The following PXDN variants were observed in gnomAD, a reference collection of about 807,000 sequenced individuals.
The protein encoded by PXDN is peroxidasin.
In PXDN, 77 loss-of-function variants were observed where a neutral mutation model predicts 140.3. The observed-to-expected ratio is 0.55, with a 90% CI of 0.46 to 0.66. The LOEUF is 0.66. Ranked by LOEUF, PXDN falls within the 30% of genes least tolerant of loss-of-function variation. The pLI, the probability that PXDN is intolerant of heterozygous loss-of-function variation, is 0.00. For missense variants in PXDN, 1,838 were observed against 2,039.5 expected, an observed-to-expected ratio of 0.90 and a Z score of 1.90; for synonymous variants, 911 against 857.4, an observed-to-expected ratio of 1.06 and a Z score of -1.09.
chr2:1,682,847 C>T (rs537424574), intron 6 of PXDN, among the ~76,000 whole-genome samples: 3 of 151,516 alleles, frequency 2.0e-5, no homozygotes, highest in Admixed American at 1.3e-4. Flanking sequence ...GGCTGAGGCA[C>T]GAGAATTGCT....
In PXDN at chr2:1,639,751, G is replaced by C. The variant is rs1245083019; in HGVS notation, c.3953-329C>G. ...CCACAGATGGAGGCTCAGGCACTCT[G>C]CCTCGGAGATCAGAGTCTGCTGTTT... On this transcript the variant is annotated intron_variant, in intron 19 of 22. Transcript: ENST00000252804. The surrounding 1 kb of genome is among the most constrained non-coding windows in gnomAD (Gnocchi z 5.0). 6.6e-6 allele frequency among the ~76,000 whole-genome samples: 1 copy of C among 152,208 alleles called. No homozygotes were observed. The highest frequency in any genetic ancestry group is 2.4e-5 in the African/African-American group (1 of 41,450).
rs557527955 is a variant in PXDN, at chr2:1,687,503, G to A, written c.416+129C>T. ...TCCCTGTTTTTCCGTCATCATGCAC[G>A]TACTCCCCGCACCTCAGGTAGCATA... On this transcript the variant is annotated intron_variant, in intron 4 of 22. Coordinates refer to ENST00000252804, the MANE Select transcript of PXDN (RefSeq NM_012293.3). The surrounding 1 kb of genome is among the most constrained non-coding windows in gnomAD (Gnocchi z 4.0). 50 of 599,436 alleles carry A rather than the reference G, an allele frequency of 8.3e-5. No homozygotes were observed. Among genetic ancestry groups the A allele is most frequent in the Admixed American group, 6.9e-4 (20 of 28,824 alleles). 37.1% of individuals were successfully genotyped at this position (599,436 alleles called of 1,614,324 possible). A position where few individuals can be genotyped will look rare whatever the true frequency, so the allele number is the denominator to read the frequency against.
chr2:1,660,028 G>A lies in PXDN; in HGVS notation c.1837+853C>T, dbSNP rs1014196345. Reference sequence around the variant, plus strand: ...TGATGGCCAGAGGGTCCTTTACCCCGTGAAGGGGGGTTTGTGCGCGTTCTC... The same window carrying A: ...TGATGGCCAGAGGGTCCTTTACCCCATGAAGGGGGGTTTGTGCGCGTTCTC... On this transcript the variant is annotated intron_variant, in intron 14 of 22. Transcript: ENST00000252804. This position sits in a 1 kb window ranked among gnomAD's most constrained non-coding sequence, Gnocchi z 4.6. Among the ~76,000 whole-genome samples, 4 of 152,154 alleles carry A rather than the reference G, an allele frequency of 2.6e-5. No homozygotes were observed. Among genetic ancestry groups the A allele is most frequent in the East Asian group, 1.9e-4 (1 of 5,180 alleles).
chr2:1,676,639 T>A (rs868551583), intron 8 of PXDN: 1 of 471,420 alleles, frequency 2.1e-6, no homozygotes, highest in South Asian at 2.6e-5. Flanking sequence ...ACCAGCATGC[T>A]CTCCCTCCCT....
intron 1 of PXDN, among the ~76,000 whole-genome samples, chr2:1,702,881 C>G (rs111978087): frequency 0.033 from 5,053 of 152,176 alleles, 123 homozygotes; most frequent in African/African-American, 0.062. Flanking sequence ...CGCACCTCGG[C>G]CTCTCAAAGT....
Position 1,633,299 on chromosome 2 carries a change from C to A in PXDN, c.*905G>T, listed in dbSNP as rs1312351847. 6.6e-6 allele frequency: 1 copy of A among 151,812 alleles called. No individual in the cohort carries two copies. Among genetic ancestry groups the A allele is most frequent in the African/African-American group, 2.4e-5 (1 of 41,338 alleles). 9.4% of individuals were successfully genotyped at this position (151,812 alleles called of 1,614,324 possible). On this transcript the variant is annotated 3_prime_UTR_variant, in exon 23 of 23. Transcript: ENST00000252804. ...AGGACGTGGACGCAACCAGGGCCGG[C>A]TGGGAGCGGCGTTGTCAACACACAC...
intron 4 of PXDN, among the ~76,000 whole-genome samples, chr2:1,684,546 T>C (rs1161646282): frequency 6.6e-6 from 1 of 152,186 alleles, no homozygotes; most frequent in Non-Finnish European, 1.5e-5. Context: ...TTCCCTCAAA[T>C]CTTTTAACTC....
At position 1,644,719 on chromosome 2, in the gene PXDN, A is replaced by G. The variant is rs544242132; in HGVS notation, c.3642T>C (p.Phe1214=). ...CCAGGTCCTCCACCACGAGCGCCGG[A>G]AACAGGTCGATGTTGAGTGTCGAGC... is the stretch of plus-strand genomic sequence containing the variant. ...LYGSTLNIDL[F]PALVVEDLVP... Residue 1214 remains phenylalanine, a synonymous_variant, in exon 18 of 23, where the codon TTT becomes TTC. Coordinates refer to ENST00000252804, the MANE Select transcript of PXDN (RefSeq NM_012293.3). 28 of 1,594,276 alleles carry G rather than the reference A, an allele frequency of 1.8e-5. No homozygotes were observed. Among genetic ancestry groups the G allele is most frequent in the Non-Finnish European group, 2.3e-5 (27 of 1,167,546 alleles).
Position 1,689,450 on chromosome 2 carries a change from T to C in PXDN, c.345-1747A>G, listed in dbSNP as rs564596420. ...TCAAACTAACATGTGTGAATGTGTG[T>C]TTATAAAGACATTGGAACGTAATTT... On this transcript the variant is annotated intron_variant, in intron 3 of 22. Transcript: ENST00000252804. Among the ~76,000 whole-genome samples the C allele has an allele frequency of 5.3e-5, 8 of 152,298 alleles. No individual in the cohort carries two copies. In the South Asian group the frequency reaches 1.0e-3, roughly 20 times the overall value.
chr2:1,736,416 A>G (rs1685425772), intron 1 of PXDN, among the ~76,000 whole-genome samples: 1 of 152,136 alleles, frequency 6.6e-6, no homozygotes. Context: ...AGATGGAGGG[A>G]CGGCCAGTCA....
intron 11 of PXDN, chr2:1,664,706 A>G (rs958405626): frequency 8.5e-6 from 4 of 469,540 alleles, no homozygotes; most frequent in Non-Finnish European, 1.1e-5. Flanking sequence ...AGGAACCCCA[A>G]GTCTCTTCCG....
intron 9 of PXDN, among the ~76,000 whole-genome samples, chr2:1,668,851 G>A (rs1431456087): frequency 6.6e-6 from 1 of 152,168 alleles, no homozygotes. Flanking sequence ...GCTGTTGCTG[G>A]GATTGTAAAT....
intron 13 of PXDN, 77 bp from the exon 14 acceptor site, chr2:1,661,114 G>A: frequency 1.3e-6 from 2 of 1,542,510 alleles, no homozygotes; most frequent in Non-Finnish European, 8.9e-7. Context: ...GGTTGGGGGA[G>A]GGGAGCCATT....
At chr2:1,711,519 A>G (rs1393435962) in intron 1 of PXDN, among the ~76,000 whole-genome samples, 27 of 87,684 alleles carry the variant, frequency 3.1e-4, no homozygotes, top group African/African-American at 8.2e-4. Flanking sequence ...ACCAGCACCC[A>G]CTCCACCAGC....
At chr2:1,719,738 C>A (rs952210018) in intron 1 of PXDN, among the ~76,000 whole-genome samples, 3 of 152,170 alleles carry the variant, frequency 2.0e-5, no homozygotes, top group Admixed American at 2.0e-4. Context: ...AGCTGCGGTC[C>A]AGGAGGACCA....
intron 8 of PXDN, among the ~76,000 whole-genome samples, chr2:1,674,694 G>T (rs1166605436): frequency 1.3e-5 from 2 of 152,198 alleles, no homozygotes; most frequent in Non-Finnish European, 2.9e-5. Context: ...ATGCCACTGA[G>T]ATCCCAGTCT....
chr2:1,699,537 C>T (rs192915894), intron 1 of PXDN, among the ~76,000 whole-genome samples: 75 of 152,138 alleles, frequency 4.9e-4, no homozygotes, highest in African/African-American at 1.6e-3. Flanking sequence ...GGTGAAACCC[C>T]GTTTCTATTA....
In PXDN at chr2:1,648,735, G is replaced by A. The variant is rs1464998356; in HGVS notation, c.3045C>T (p.Tyr1015=). The A allele has an allele frequency of 1.2e-6, 2 of 1,604,838 alleles. No homozygotes were observed. Among genetic ancestry groups the A allele is most frequent in the African/African-American group, 1.3e-5 (1 of 74,742 alleles). The change falls in exon 17 of 23, where the codon TAC becomes TAT. Residue 1015 remains tyrosine, a synonymous_variant. Coordinates refer to ENST00000252804, the MANE Select transcript of PXDN (RefSeq NM_012293.3). This position sits in a 1 kb window ranked among gnomAD's most constrained non-coding sequence, Gnocchi z 8.9. ...CACCCACGATCTTCCTGGTCTCATA[G>A]TAGATGGTGTCGCCGTCCCAGTGCG... ...LNPHWDGDTI[Y]YETRKIVGAE...
At chr2:1,718,967 G>A (rs1382607848) in intron 1 of PXDN, among the ~76,000 whole-genome samples, 1 of 152,356 alleles carries the variant, frequency 6.6e-6, no homozygotes, top group East Asian at 1.9e-4. Context: ...ACCATACCTC[G>A]CAGATGGCAT....
Sources: gnomAD v4.1 joint callset for allele counts (sites outside exome capture counted in the v4.1 genomes callset) on GRCh38, gnomAD v4.1.1 for gene constraint, Gnocchi (gnomAD v3.1) non-coding constraint, MANE v1.5 for transcripts, NCBI Gene and HGNC (gene_info 2026-07-23, HGNC 2026-07-21) for gene names.